EVC: variants seen among roughly 807,000 people sequenced by gnomAD.
The protein encoded by EVC is EvC ciliary complex subunit 1.
Under a neutral mutation model 118.9 loss-of-function variants are expected in EVC, and 116 were observed. The ratio of observed to expected loss-of-function variants is 0.98; its 90% confidence interval spans 0.84 to 1.14. The LOEUF (loss-of-function observed/expected upper bound fraction) is 1.14. EVC is among the 50% of genes most tolerant of loss of function. EVC has a pLI of 0.00. For missense variants in EVC, 1,401 were observed against 1,246.4 expected, an observed-to-expected ratio of 1.12 and a Z score of -1.87; for synonymous variants, 619 against 534.7, an observed-to-expected ratio of 1.16 and a Z score of -2.18.
chr4:5,724,739 T>C (rs1725535678), intron 2 of EVC, among the ~76,000 whole-genome samples: 1 of 152,056 alleles, frequency 6.6e-6, no homozygotes, highest in African/African-American at 2.4e-5. Context: ...TTTCTTCAAC[T>C]TTTATTTTAA....
downstream of EVC, among the ~76,000 whole-genome samples, chr4:5,819,204 A>C (rs190746484): frequency 1.9e-4 from 29 of 152,316 alleles, no homozygotes; most frequent in African/African-American, 7.0e-4. Flanking sequence ...AACCCAGAAG[A>C]CTACTGTGGT....
intron 1 of EVC, among the ~76,000 whole-genome samples, chr4:5,715,791 T>TGGA (rs1723859167): frequency 1.4e-5 from 2 of 141,244 alleles, no homozygotes; most frequent in African/African-American, 5.3e-5. Context: ...TCACCCAGGC[T>TGGA]GGAGTGCAGT....
intron 16 of EVC, 47 bp from the exon 17 acceptor site, chr4:5,804,683 G>A (rs751627314): frequency 5.1e-6 from 8 of 1,568,204 alleles, no homozygotes; most frequent in Non-Finnish European, 7.0e-6. Context: ...CTGGCACAGT[G>A]GATCCTCCAA....
At chr4:5,729,486 T>G (rs1354090024) in intron 3 of EVC, 96 bp downstream of exon 3, 4 of 1,254,556 alleles carry the variant, frequency 3.2e-6, no homozygotes, top group Non-Finnish European at 4.7e-6. Flanking sequence ...TGATGTTTGG[T>G]CCTGTTTGAG....
intron 2 of EVC, among the ~76,000 whole-genome samples, chr4:5,726,539 G>T (rs1468808936): frequency 6.7e-6 from 1 of 150,090 alleles, no homozygotes; most frequent in African/African-American, 2.4e-5. Context: ...ACTATGCAAA[G>T]CAGCCCACTG....
At chr4:5,829,029 A>AT in the EVC span, among the ~76,000 whole-genome samples, 12,515 of 152,060 alleles carry the variant, frequency 0.082, 743 homozygotes, top group African/African-American at 0.16. Context: ...TTTAAATAAA[A>AT]TTTTTTTCTC....
At chr4:5,768,350 C>G (rs1319907698) in intron 11 of EVC, among the ~76,000 whole-genome samples, 2 of 152,034 alleles carry the variant, frequency 1.3e-5, no homozygotes, top group Admixed American at 1.3e-4. Flanking sequence ...AGCAGGGAGC[C>G]CTGGTAGGAG....
chr4:5,782,111 T>C (rs1186309796), intron 11 of EVC, among the ~76,000 whole-genome samples: 1 of 152,184 alleles, frequency 6.6e-6, no homozygotes, highest in African/African-American at 2.4e-5. Context: ...GGAGTCTCTC[T>C]CTGTCACCCA....
At chr4:5,724,110 T>C (rs1641109433) in intron 2 of EVC, among the ~76,000 whole-genome samples, 1 of 152,194 alleles carries the variant, frequency 6.6e-6, no homozygotes, top group South Asian at 2.1e-4. Flanking sequence ...GTGGGCATGA[T>C]AATAATAGTC....
Position 5,717,349 on chromosome 4 carries a change from T to C in EVC, c.175-1899T>C, listed in dbSNP as rs181039029. ...TTGTTTATTTGTTTAAAGTTTTTTT[T>C]CCCTGTGTAGTGCGTTCCCTGCTTG... On this transcript the variant is annotated intron_variant, in intron 1 of 20. Coordinates refer to ENST00000264956, the MANE Select transcript of EVC (RefSeq NM_153717.3). Among the ~76,000 whole-genome samples, 11 of 152,320 alleles carry C rather than the reference T, an allele frequency of 7.2e-5. No individual in the cohort carries two copies. The East Asian group carries it at 1.4e-3, about 19-fold the overall frequency.
the EVC span, among the ~76,000 whole-genome samples, chr4:5,823,682 C>T: frequency 1.6e-4 from 25 of 152,310 alleles, no homozygotes; most frequent in African/African-American, 6.0e-4. Flanking sequence ...GTGATCTCTG[C>T]ACACGCTAGC....
At chr4:5,715,194 C>T (rs1723744430) in intron 1 of EVC, among the ~76,000 whole-genome samples, 1 of 152,136 alleles carries the variant, frequency 6.6e-6, no homozygotes, top group Non-Finnish European at 1.5e-5. Context: ...GTGTTCAAGA[C>T]ATTTGAATGC....
chr4:5,797,444 T>C (rs1714188628), intron 14 of EVC: 3 of 608,554 alleles, frequency 4.9e-6, no homozygotes, highest in Non-Finnish European at 8.9e-6. Context: ...GAGGCCAGAA[T>C]TCGGAGATCA....
chr4:5,828,779 T>C, the EVC span: 75 of 1,305,996 alleles, frequency 5.7e-5, no homozygotes, highest in Non-Finnish European at 7.6e-5. Flanking sequence ...CAATGTTTTT[T>C]TTTCTCTCTA....
chr4:5,793,709 C>T lies in EVC; in HGVS notation c.1878C>T (p.Leu626=), dbSNP rs375743004. 1.4e-5 allele frequency: 21 copies of T among 1,549,640 alleles called. No individual in the cohort carries two copies. Among genetic ancestry groups the T allele is most frequent in the Middle Eastern group, 4.5e-4 (2 of 4,488 alleles). The part of the protein sequence containing the change: ...IRGVLGRLGG[L]TEESTRCVLQ... ...GCGTCTTGGGCCGACTGGGCGGCCT[C>T]ACTGAAGAGTGAGTACAGCTCCCTG... The change falls in exon 13 of 21, where the codon CTC becomes CTT. Residue 626 remains leucine (L), a synonymous_variant. Transcript: ENST00000264956.
intron 11 of EVC, among the ~76,000 whole-genome samples, chr4:5,761,094 T>C (rs1284381778): frequency 6.6e-6 from 1 of 152,152 alleles, no homozygotes; most frequent in Non-Finnish European, 1.5e-5. Flanking sequence ...CTGGGCGTCC[T>C]TGGGCCAGAG....
chr4:5,824,225 C>T, the EVC span: 6 of 904,886 alleles, frequency 6.6e-6, no homozygotes, highest in South Asian at 2.0e-4. Context: ...TGTCTTGTTG[C>T]ACCCAGATAG....
chr4:5,720,376 G>C (rs1724744705), intron 2 of EVC, among the ~76,000 whole-genome samples: 1 of 152,146 alleles, frequency 6.6e-6, no homozygotes, highest in Non-Finnish European at 1.5e-5. Context: ...GAGGTAGGCT[G>C]CTTTCCTGAG....
chr4:5,720,515 G>C (rs369077684), intron 2 of EVC, among the ~76,000 whole-genome samples: 1 of 143,102 alleles, frequency 7.0e-6, no homozygotes, highest in South Asian at 2.1e-4. Context: ...ATCCTGTTCC[G>C]CAGCCTTAGC....
Sources: gnomAD v4.1 joint callset for allele counts (sites outside exome capture counted in the v4.1 genomes callset) on GRCh38, gnomAD v4.1.1 for gene constraint, MANE v1.5 for transcripts, NCBI Gene and HGNC (gene_info 2026-07-23, HGNC 2026-07-21) for gene names.